The following PFKFB3 variants were observed in gnomAD, a reference collection of about 807,000 sequenced individuals.
PFKFB3 encodes 6-phosphofructo-2-kinase/fructose-2,6-bisphosphatase 3.
In PFKFB3, 33 loss-of-function variants were observed where a neutral mutation model predicts 68.0. The ratio of observed to expected loss-of-function variants is 0.49; its 90% CI spans 0.37 to 0.65. PFKFB3 has a LOEUF of 0.65. Ranked by LOEUF, PFKFB3 falls within the 30% of genes least tolerant of loss-of-function variation. The probability of loss-of-function intolerance (pLI) is 0.00; values close to 1 mark genes in which losing one functional copy is unlikely to be tolerated. For missense variants in PFKFB3, 586 were observed against 712.2 expected (o/e 0.82, Z 2.02); for synonymous variants, 315 against 288.2 (o/e 1.09, Z -0.94).
At chr10:6,145,559 G>C (rs1316810743) in intron 1 of PFKFB3, among the ~76,000 whole-genome samples, 1 of 152,170 alleles carries the variant, frequency 6.6e-6, no homozygotes, top group African/African-American at 2.4e-5. Context: ...GGTGGGCTCG[G>C]GGGCACGGAG....
intron 1 of PFKFB3, among the ~76,000 whole-genome samples, chr10:6,173,349 A>G (rs1842366871): frequency 6.6e-6 from 1 of 152,054 alleles, no homozygotes; most frequent in Non-Finnish European, 1.5e-5. Context: ...TTCAGCCTGG[A>G]GGGGGCGCTC....
chr10:6,293,241 C>T, the PFKFB3 span: 1 of 458,090 alleles, frequency 2.2e-6, no homozygotes, highest in Admixed American at 2.4e-5. Context: ...ATTTGAGAGT[C>T]CTTCAGTCCA....
the PFKFB3 span, among the ~76,000 whole-genome samples, chr10:6,316,869 T>C: frequency 6.6e-6 from 1 of 152,194 alleles, no homozygotes; most frequent in Non-Finnish European, 1.5e-5. Flanking sequence ...GGAAGACTCT[T>C]GGCCAGGTCT....
At chr10:6,145,052 C>T (rs1428284930) in intron 1 of PFKFB3, 3 of 1,309,768 alleles carry the variant, frequency 2.3e-6, no homozygotes, top group East Asian at 3.1e-5. Flanking sequence ...CCCCAGCGCG[C>T]GCGGGGACCT....
chr10:6,213,500 G>A, intron 1 of PFKFB3, 123 bp from the exon 2 acceptor site: 1 of 1,156,612 alleles, frequency 8.6e-7, no homozygotes, highest in Non-Finnish European at 1.2e-6. Context: ...CTGGGCAACA[G>A]AGTGAGACCC....
intron 1 of PFKFB3, among the ~76,000 whole-genome samples, chr10:6,185,161 C>T (rs1413549055): frequency 6.6e-6 from 1 of 152,224 alleles, no homozygotes; most frequent in Admixed American, 6.5e-5. Flanking sequence ...GCCTCTGTGG[C>T]CTTGAGACAC....
chr10:6,213,872 C>A, intron 2 of PFKFB3, 124 bp downstream of exon 2: 1 of 1,006,392 alleles, frequency 9.9e-7, no homozygotes, highest in South Asian at 1.6e-5. Flanking sequence ...GAGTCTGATC[C>A]TGCCTCCCAT....
chr10:6,151,375 C>T (rs923187338), intron 1 of PFKFB3, among the ~76,000 whole-genome samples: 4 of 149,444 alleles, frequency 2.7e-5, no homozygotes, highest in African/African-American at 1.0e-4. Flanking sequence ...AACACACTTC[C>T]CCCTGGCCTG....
chr10:6,221,433 G>T lies in PFKFB3; in HGVS notation c.884G>T (p.Arg295Leu), dbSNP rs748864570. 1.9e-6 allele frequency: 3 copies of T among 1,613,860 alleles called. No homozygotes were observed. The highest frequency in any genetic ancestry group is 1.1e-5 in the South Asian group (1 of 91,090). ...GAGGAGCAGAACCTGAAGGACCTGCGCGTGTGGACCAGCCAGCTGAAGAGC... is the reference window on the plus strand; with the variant it reads ...GAGGAGCAGAACCTGAAGGACCTGCTCGTGTGGACCAGCCAGCTGAAGAGC... ...FVEEQNLKDL[R>L]VWTSQLKSTI... Residue 295 changes from arginine (R) to leucine (L), a missense_variant, in exon 9 of 15, where the codon CGC becomes CTC. Coordinates refer to ENST00000379775, the MANE Select transcript of PFKFB3 (RefSeq NM_004566.4).
chr10:6,275,507 C>T, the PFKFB3 span, among the ~76,000 whole-genome samples: 1 of 152,238 alleles, frequency 6.6e-6, no homozygotes, highest in African/African-American at 2.4e-5. This position sits in a 1 kb window ranked among gnomAD's most constrained non-coding sequence, Gnocchi z 4.9. Flanking sequence ...ATCACCCAGG[C>T]GCTGCTCTTG....
At chr10:6,263,466 T>A in the PFKFB3 span, among the ~76,000 whole-genome samples, 3 of 152,198 alleles carry the variant, frequency 2.0e-5, no homozygotes, top group African/African-American at 7.2e-5. Flanking sequence ...ATGGCCAGAT[T>A]TTGGGGGGCT....
intron 1 of PFKFB3, among the ~76,000 whole-genome samples, chr10:6,147,714 T>G (rs1375604165): frequency 2.0e-5 from 3 of 151,142 alleles, no homozygotes; most frequent in African/African-American, 7.4e-5. Flanking sequence ...CCTCACTCCT[T>G]CCTCCCTCTG....
the PFKFB3 span, among the ~76,000 whole-genome samples, chr10:6,267,326 C>A: frequency 5.3e-5 from 8 of 152,342 alleles, no homozygotes; most frequent in African/African-American, 1.4e-4. Context: ...CCTGGACGTA[C>A]GTACTAATGA....
At chr10:6,205,045 G>A (rs954136193) in intron 1 of PFKFB3, among the ~76,000 whole-genome samples, 2 of 152,302 alleles carry the variant, frequency 1.3e-5, no homozygotes, top group African/African-American at 2.4e-5. Flanking sequence ...CGTCTCACAC[G>A]CAGTGAGAGA....
chr10:6,196,292 G>A (rs963356793), intron 1 of PFKFB3, among the ~76,000 whole-genome samples: 6 of 151,996 alleles, frequency 3.9e-5, no homozygotes, highest in African/African-American at 7.3e-5. Flanking sequence ...TACCACACCC[G>A]GCTAATTTTT....
intron 1 of PFKFB3, among the ~76,000 whole-genome samples, chr10:6,190,979 A>G (rs1306312508): frequency 6.6e-6 from 1 of 152,244 alleles, no homozygotes; most frequent in African/African-American, 2.4e-5. Flanking sequence ...GAGTTTCTCC[A>G]TATTGGCCAG....
At chr10:6,186,613 A>G (rs1404520640) in intron 1 of PFKFB3, among the ~76,000 whole-genome samples, 4 of 152,216 alleles carry the variant, frequency 2.6e-5, no homozygotes, top group African/African-American at 9.6e-5. Flanking sequence ...ATGTATAAAC[A>G]TCATGGTCTT....
At chr10:6,305,718 A>G in the PFKFB3 span, among the ~76,000 whole-genome samples, 1 of 152,194 alleles carries the variant, frequency 6.6e-6, no homozygotes, top group Non-Finnish European at 1.5e-5. Context: ...TTTCCTGGTT[A>G]CTTTATCTGT....
the PFKFB3 span, among the ~76,000 whole-genome samples, chr10:6,288,598 T>C: frequency 6.6e-6 from 1 of 151,892 alleles, no homozygotes; most frequent in African/African-American, 2.4e-5. Context: ...TAATCCAGTC[T>C]ATCATTGTTG....
Sources: gnomAD v4.1 joint callset for allele counts (sites outside exome capture counted in the v4.1 genomes callset) on GRCh38, gnomAD v4.1.1 for gene constraint, Gnocchi (gnomAD v3.1) non-coding constraint, MANE v1.5 for transcripts, NCBI Gene and HGNC (gene_info 2026-07-23, HGNC 2026-07-21) for gene names.